The following NAV2 variants were observed in gnomAD, a reference collection of about 807,000 sequenced individuals.
NAV2 encodes the protein helicase, APC down-regulated 1.
A neutral mutation model predicts 223.2 loss-of-function variants in NAV2; 54 were observed. The observed-to-expected ratio is 0.24, with a 90% CI of 0.19 to 0.30. The LOEUF (loss-of-function observed/expected upper bound fraction) is 0.30. Ranked by LOEUF, NAV2 falls within the 10% of genes least tolerant of loss-of-function variation. NAV2 has a pLI of 1.00. For missense variants in NAV2, 2,806 were observed against 3,147.5 expected (o/e 0.89, Z 2.60); for synonymous variants, 1,279 against 1,239.3 (o/e 1.03, Z -0.67).
intron 11 of NAV2, among the ~76,000 whole-genome samples, chr11:19,987,217 A>G (rs1020893309): frequency 1.3e-5 from 2 of 152,320 alleles, no homozygotes; most frequent in African/African-American, 4.8e-5. Context: ...TGCAATTTCG[A>G]TAATACTGTT....
At chr11:20,009,983 A>G (rs1322931687) in intron 11 of NAV2, among the ~76,000 whole-genome samples, 1 of 151,608 alleles carries the variant, frequency 6.6e-6, no homozygotes, top group Admixed American at 6.6e-5. Flanking sequence ...ACTGTCTGCT[A>G]CTAGCCTGTC....
intron 31 of NAV2, 46 bp downstream of exon 31, chr11:20,097,791 G>GAC: frequency 1.3e-6 from 2 of 1,507,638 alleles, no homozygotes; most frequent in Non-Finnish European, 1.8e-6. Flanking sequence ...GAATTGCAGT[G>GAC]TTTGTTTTGT....
intron 1 of NAV2, among the ~76,000 whole-genome samples, chr11:19,445,591 C>G (rs1851553897): frequency 1.3e-5 from 2 of 152,142 alleles, no homozygotes; most frequent in Admixed American, 1.3e-4. Context: ...GGACTCTGGT[C>G]TCTCGAGCCA....
At chr11:19,699,795 C>T (rs145323117) in intron 1 of NAV2, among the ~76,000 whole-genome samples, 150 of 152,244 alleles carry the variant, frequency 9.9e-4, no homozygotes, top group African/African-American at 3.4e-3. Flanking sequence ...AAGTTGAGCC[C>T]CTCTGTGCCT....
At chr11:19,482,900 A>C (rs2042324066) in intron 1 of NAV2, among the ~76,000 whole-genome samples, 1 of 152,220 alleles carries the variant, frequency 6.6e-6, no homozygotes, top group Admixed American at 6.5e-5. Flanking sequence ...GTATATGTGC[A>C]TGCATGTATG....
intron 6 of NAV2, among the ~76,000 whole-genome samples, chr11:19,928,924 GC>G (rs1383927170): frequency 6.6e-6 from 1 of 152,156 alleles, no homozygotes; most frequent in African/African-American, 2.4e-5. Flanking sequence ...GTTGAGGAAA[GC>G]TTCATGCTAG....
Position 20,055,046 on chromosome 11 carries a change from G to C in NAV2, c.4643-723G>C, listed in dbSNP as rs1224785710. On this transcript the variant is annotated intron_variant, in intron 18 of 37. Transcript: ENST00000349880. ...GGAGCTGAGCCTTGAAGGACTGATA[G>C]AGGGTGAGAAATCTTTTCTAATCTC... Among the ~76,000 whole-genome samples, 3 of 152,350 alleles carry C rather than the reference G, an allele frequency of 2.0e-5. No individual in the cohort carries two copies. The East Asian group carries it at 5.8e-4, about 29-fold the overall frequency.
At chr11:19,564,990 C>G (rs1022835824) in intron 1 of NAV2, among the ~76,000 whole-genome samples, 14 of 152,144 alleles carry the variant, frequency 9.2e-5, no homozygotes, top group African/African-American at 3.1e-4. Flanking sequence ...ACAAAGATAG[C>G]CAGGAGTGAT....
At chr11:20,077,469 A>G in intron 22 of NAV2, 83 bp from the exon 23 acceptor site, 1 of 1,067,012 alleles carries the variant, frequency 9.4e-7, no homozygotes, top group South Asian at 1.3e-5. Flanking sequence ...GACCCACAGG[A>G]TTTTCATCTT....
At chr11:20,036,132 AG>A (rs1564893906) in intron 12 of NAV2, 35 bp downstream of exon 12, 2 of 1,613,530 alleles carry the variant, frequency 1.2e-6, no homozygotes, top group Admixed American at 3.3e-5. Flanking sequence ...CTCCTCCAGC[AG>A]CCTCTGGCAG....
intron 1 of NAV2, among the ~76,000 whole-genome samples, chr11:19,657,717 G>T (rs2048167268): frequency 6.6e-6 from 1 of 152,174 alleles, no homozygotes; most frequent in African/African-American, 2.4e-5. Context: ...ATCATCTACT[G>T]CTCTGCGGCT....
intron 5 of NAV2, among the ~76,000 whole-genome samples, chr11:19,880,729 C>T (rs886337587): frequency 6.6e-5 from 10 of 152,064 alleles, no homozygotes; most frequent in Non-Finnish European, 1.5e-4. Context: ...ATTTTGTTCC[C>T]AGGGGGACTG....
chr11:19,474,878 A>C (rs1296150122), intron 1 of NAV2, among the ~76,000 whole-genome samples: 1 of 152,232 alleles, frequency 6.6e-6, no homozygotes, highest in Non-Finnish European at 1.5e-5. Context: ...CCCATCTGTG[A>C]AGTGGCAGTC....
At chr11:19,619,840 C>G (rs1238078678) in intron 1 of NAV2, among the ~76,000 whole-genome samples, 1 of 152,170 alleles carries the variant, frequency 6.6e-6, no homozygotes, top group Non-Finnish European at 1.5e-5. Flanking sequence ...TTGCCCACGC[C>G]TATGTCCTGA....
chr11:19,362,468 G>A (rs1374915169), intron 1 of NAV2, among the ~76,000 whole-genome samples: 2 of 151,956 alleles, frequency 1.3e-5, no homozygotes, highest in Admixed American at 6.6e-5. Context: ...ATAAAACCAC[G>A]ATCATTAACT....
chr11:19,902,516 T>C (rs2042531320), intron 6 of NAV2, among the ~76,000 whole-genome samples: 1 of 152,234 alleles, frequency 6.6e-6, no homozygotes, highest in East Asian at 1.9e-4. Context: ...AGAGAAAATA[T>C]ATCATTTGGA....
intron 1 of NAV2, among the ~76,000 whole-genome samples, chr11:19,601,175 C>T (rs1055683324): frequency 6.6e-6 from 1 of 152,208 alleles, no homozygotes; most frequent in African/African-American, 2.4e-5. Flanking sequence ...CCAGTGATCC[C>T]TTCCTTCAGA....
chr11:19,670,115 C>G (rs2048538706), intron 1 of NAV2, among the ~76,000 whole-genome samples: 1 of 152,206 alleles, frequency 6.6e-6, no homozygotes, highest in African/African-American at 2.4e-5. Context: ...CAGTCCCTCA[C>G]ATATGCCACG....
At chr11:19,929,307 C>A (rs2045097808) in intron 6 of NAV2, among the ~76,000 whole-genome samples, 2 of 152,104 alleles carry the variant, frequency 1.3e-5, no homozygotes, top group African/African-American at 4.8e-5. Flanking sequence ...AACAGCCACT[C>A]AGCCAAGCTC....
Sources: allele counts gnomAD v4.1 joint callset (sites outside exome capture counted in the v4.1 genomes callset), GRCh38; gene constraint gnomAD v4.1.1; transcripts MANE v1.5; gene names NCBI Gene and HGNC (gene_info 2026-07-23, HGNC 2026-07-21).